Variants in SLC17A6 observed in about 807,000 individuals in gnomAD.
The protein encoded by SLC17A6 is solute carrier family 17 member 6.
A neutral mutation model predicts 67.1 loss-of-function variants in SLC17A6; 35 were observed. The ratio of observed to expected loss-of-function variants is 0.52; its 90% CI spans 0.40 to 0.69. SLC17A6 has a LOEUF of 0.69. Among genes scored for constraint, SLC17A6 ranks in the 30% least tolerant of loss-of-function variants. SLC17A6 has a pLI of 0.00. For missense variants in SLC17A6, 588 were observed against 723.9 expected, an observed-to-expected ratio of 0.81 and a Z score of 2.15; for synonymous variants, 285 against 252.3, an observed-to-expected ratio of 1.13 and a Z score of -1.23.
chr11:22,374,706 A>G (rs370121292), intron 8 of SLC17A6, 49 bp from the exon 9 acceptor site: 17 of 1,466,704 alleles, frequency 1.2e-5, no homozygotes, highest in Non-Finnish European at 1.5e-5. Context: ...TAAATTGCCC[A>G]TATTATTTAT....
chr11:22,372,676 AAAG>A (rs1420878501), intron 8 of SLC17A6, among the ~76,000 whole-genome samples: 2 of 152,090 alleles, frequency 1.3e-5, no homozygotes, highest in African/African-American at 4.8e-5. Flanking sequence ...AGAAAAGCTA[AAAG>A]AAGGATGAGG....
chr11:22,345,480 T>G (rs1855866633), intron 3 of SLC17A6, among the ~76,000 whole-genome samples: 1 of 152,094 alleles, frequency 6.6e-6, no homozygotes, highest in South Asian at 2.1e-4. Context: ...CCAGCTAATT[T>G]TTTTATAGAA....
chr11:22,352,581 A>G (rs920113515), intron 3 of SLC17A6, among the ~76,000 whole-genome samples: 1 of 152,220 alleles, frequency 6.6e-6, no homozygotes, highest in African/African-American at 2.4e-5. Flanking sequence ...TATGAAAAGC[A>G]TTGTGCTAGC....
Position 22,363,045 on chromosome 11 carries a change from T to C in SLC17A6, c.748+220T>C, listed in dbSNP as rs1241878765. ...TTTCTTGTTTTAAAAAGCAACCACA[T>C]TGCTGACAGGAACTTTGTCATTTAG... On this transcript the variant is annotated intron_variant, in intron 6 of 11. Transcript: ENST00000263160. 3.3e-5 allele frequency among the ~76,000 whole-genome samples: 5 copies of C among 152,346 alleles called. No individual in the cohort carries two copies. The East Asian group carries it at 5.8e-4, about 18-fold the overall frequency.
At chr11:22,364,043 C>T (rs766804569) in intron 6 of SLC17A6, among the ~76,000 whole-genome samples, 3 of 152,078 alleles carry the variant, frequency 2.0e-5, no homozygotes, top group Non-Finnish European at 4.4e-5. Flanking sequence ...CAAGTTATAT[C>T]TCATTTGATA....
intron 11 of SLC17A6, 100 bp downstream of exon 11, chr11:22,376,772 C>A: frequency 8.0e-7 from 1 of 1,250,824 alleles, no homozygotes; most frequent in Non-Finnish European, 1.1e-6. Context: ...CATTTTCTTT[C>A]TTGTCCAGTC....
At chr11:22,353,823 G>C (rs1855967883) in intron 3 of SLC17A6, among the ~76,000 whole-genome samples, 1 of 152,072 alleles carries the variant, frequency 6.6e-6, no homozygotes, top group Admixed American at 6.5e-5. Context: ...TTCTAGGTCT[G>C]GGTCTTCACC....
chr11:22,341,876 A>G, intron 2 of SLC17A6, 96 bp downstream of exon 2: 1 of 1,526,250 alleles, frequency 6.6e-7, no homozygotes, highest in Non-Finnish European at 8.8e-7. Context: ...CGCCACTGAG[A>G]GGAAGGTTTG....
rs115450439 is a variant in SLC17A6, at chr11:22,353,735, C to G, written c.459-5678C>G. Among the ~76,000 whole-genome samples, 731 of 152,284 alleles carry G rather than the reference C, an allele frequency of 4.8e-3. 4 individuals are homozygous for G. The highest frequency in any genetic ancestry group is 0.015 in the African/African-American group (615 of 41,560). ...CTTCCATTTTAGCAATGTTTCTATTCTACCCTTGCCTCTACCCTCTATAAC... is the reference window on the plus strand; with the variant it reads ...CTTCCATTTTAGCAATGTTTCTATTGTACCCTTGCCTCTACCCTCTATAAC... On this transcript the variant is annotated intron_variant, in intron 3 of 11. Transcript: ENST00000263160.
intron 3 of SLC17A6, among the ~76,000 whole-genome samples, chr11:22,347,061 C>A (rs1564979330): frequency 6.6e-6 from 1 of 151,670 alleles, no homozygotes; most frequent in South Asian, 2.1e-4. Flanking sequence ...TATTTTTTTA[C>A]ATGGCACTTA....
chr11:22,341,812 C>T (rs376294300), intron 2 of SLC17A6, 32 bp downstream of exon 2: 288 of 1,609,124 alleles, frequency 1.8e-4, no homozygotes, highest in Admixed American at 2.3e-4. Flanking sequence ...TGGCTCCTGC[C>T]CTTCGGCCAT....
intron 7 of SLC17A6, among the ~76,000 whole-genome samples, chr11:22,366,345 G>T (rs1856112352): frequency 6.6e-6 from 1 of 151,940 alleles, no homozygotes; most frequent in South Asian, 2.1e-4. Flanking sequence ...CGCGGTTAAG[G>T]GAGGACTACT....
Position 22,377,691 on chromosome 11 carries a change from G to A in SLC17A6, c.1700G>A (p.Gly567Glu). ...GAAAAGAAAGAGGAATTTGTACAAG[G>A]AGAAGTACAAGACTCACATAGCTAT... ...GWEKKEEFVQ[G>E]EVQDSHSYKD... Residue 567 changes from glycine (G) to glutamate (E), a missense_variant, in exon 12 of 12, where the codon GGA becomes GAA. Gly to Glu is a moderately conservative substitution (Grantham distance 98). Coordinates refer to ENST00000263160, the MANE Select transcript of SLC17A6 (RefSeq NM_020346.3). 1 of 1,611,456 alleles carries A rather than the reference G, an allele frequency of 6.2e-7. No individual in the cohort carries two copies. Among genetic ancestry groups the A allele is most frequent in the Non-Finnish European group, 8.5e-7 (1 of 1,179,246 alleles).
At chr11:22,377,352 G>A in intron 11 of SLC17A6, 53 bp from the exon 12 acceptor site, 3 of 1,464,122 alleles carry the variant, frequency 2.0e-6, no homozygotes, top group Admixed American at 2.1e-5. Context: ...AAGATGTTAG[G>A]CGTTTAAATC....
intron 8 of SLC17A6, among the ~76,000 whole-genome samples, chr11:22,371,880 T>A (rs187712809): frequency 6.5e-4 from 99 of 152,184 alleles, no homozygotes; most frequent in African/African-American, 2.3e-3. Flanking sequence ...TAGGAGATGA[T>A]GGAGAACATA....
intron 6 of SLC17A6, among the ~76,000 whole-genome samples, chr11:22,363,452 A>G (rs2133871447): frequency 6.6e-6 from 1 of 152,314 alleles, no homozygotes; most frequent in South Asian, 2.1e-4. Context: ...TTTCTTTCTA[A>G]GAGGCACTTT....
chr11:22,343,704 G>T (rs1019301787), intron 3 of SLC17A6, among the ~76,000 whole-genome samples: 22 of 152,150 alleles, frequency 1.4e-4, no homozygotes, highest in African/African-American at 5.3e-4. Flanking sequence ...GCGCCTGAGT[G>T]CACAAAGGGG....
intron 8 of SLC17A6, among the ~76,000 whole-genome samples, chr11:22,370,931 G>A (rs1181179789): frequency 7.2e-5 from 11 of 152,048 alleles, no homozygotes; most frequent in African/African-American, 2.2e-4. Flanking sequence ...ATAGGAACTC[G>A]AAATTTAGAA....
At position 22,377,644 on chromosome 11, in the gene SLC17A6, T is replaced by C. The variant is rs1312846668; in HGVS notation, c.1653T>C (p.Asn551=). Residue 551 remains asparagine (N), a synonymous_variant, in exon 12 of 12, where the codon AAT becomes AAC. Coordinates refer to ENST00000263160, the MANE Select transcript of SLC17A6 (RefSeq NM_020346.3). Reference sequence around the variant, plus strand: ...CTTATGGTGCCACAACACAGGCCAATGGAGGTTGGCCTAGTGGTTGGGAAA... The same window carrying C: ...CTTATGGTGCCACAACACAGGCCAACGGAGGTTGGCCTAGTGGTTGGGAAA... ...TKSYGATTQA[N]GGWPSGWEKK... 2 of 1,613,708 alleles carry C rather than the reference T, an allele frequency of 1.2e-6. No individual in the cohort carries two copies. Among genetic ancestry groups the C allele is most frequent in the African/African-American group, 2.7e-5 (2 of 74,894 alleles).
Sources: gnomAD v4.1 joint callset for allele counts (sites outside exome capture counted in the v4.1 genomes callset) on GRCh38, gnomAD v4.1.1 for gene constraint, MANE v1.5 for transcripts, NCBI Gene and HGNC (gene_info 2026-07-23, HGNC 2026-07-21) for gene names.